The following ZNF782 variants were observed in gnomAD, a reference collection of about 807,000 sequenced individuals.
ZNF782 encodes zinc finger protein 782.
ZNF782 carries 12 observed loss-of-function variants against 13.0 expected under a neutral mutation model. The observed-to-expected ratio is 0.92, with a 90% CI of 0.59 to 1.50. The LOEUF (loss-of-function observed/expected upper bound fraction) is 1.50, where lower values mean the gene tolerates loss of function less well. ZNF782 is among the 40% of genes most tolerant of loss of function. The pLI, the probability that ZNF782 is intolerant of heterozygous loss-of-function variation, is 0.00. For synonymous variants in ZNF782, 284 were observed against 283.0 expected, an observed-to-expected ratio of 1.00 and a Z score of -0.04; for missense variants, 770 against 822.9, an observed-to-expected ratio of 0.94 and a Z score of 0.79.
At chr9:96,832,032 T>G (rs540230036) in intron 4 of ZNF782, among the ~76,000 whole-genome samples, 11 of 152,328 alleles carry the variant, frequency 7.2e-5, no homozygotes, top group Middle Eastern at 3.4e-3. Context: ...TTGTTTTTTT[T>G]GTTCCCTTGA....
Position 96,819,480 on chromosome 9 carries a change from G to A in ZNF782, c.543C>T (p.Asn181=), listed in dbSNP as rs1047246544. The change falls in exon 6 of 6, where the codon AAC becomes AAT. Residue 181 remains asparagine (N), a synonymous_variant. Transcript: ENST00000481138. ...TATAAGCGAAAGATTTCTCTTGAGTGTTAGTTCTGCCATCCTTAATACTGA... is the reference window on the plus strand; with the variant it reads ...TATAAGCGAAAGATTTCTCTTGAGTATTAGTTCTGCCATCCTTAATACTGA... The part of the protein sequence containing the change: ...WLISIKDGRT[N]TQEKSFAYSK... The A allele has an allele frequency of 1.2e-6, 2 of 1,613,760 alleles. No homozygotes were observed. The highest frequency in any genetic ancestry group is 1.7e-6 in the Non-Finnish European group (2 of 1,179,998).
chr9:96,917,708 G>A, the ZNF782 span, among the ~76,000 whole-genome samples: 2 of 151,648 alleles, frequency 1.3e-5, no homozygotes, highest in Admixed American at 6.6e-5. Context: ...GGGATCACAA[G>A]CATGAGCCAC....
the ZNF782 span, among the ~76,000 whole-genome samples, chr9:96,896,236 A>C: frequency 6.6e-6 from 1 of 152,154 alleles, no homozygotes; most frequent in East Asian, 1.9e-4. Flanking sequence ...AGACCACCAG[A>C]AACAGTTTGG....
chr9:96,820,542 CTTTT>C (rs375716425), intron 5 of ZNF782, among the ~76,000 whole-genome samples: 2 of 137,760 alleles, frequency 1.5e-5, no homozygotes, highest in Non-Finnish European at 3.2e-5. Flanking sequence ...AATAGTGAAT[CTTTT>C]TTTTTTTTTT....
chr9:96,845,979 C>G (rs1588166048), intron 3 of ZNF782, among the ~76,000 whole-genome samples: 1 of 152,184 alleles, frequency 6.6e-6, no homozygotes, highest in Non-Finnish European at 1.5e-5. Flanking sequence ...TAAAGGAAAA[C>G]TTAACAGACT....
chr9:96,837,935 A>T (rs1851052079), intron 4 of ZNF782, among the ~76,000 whole-genome samples: 1 of 152,158 alleles, frequency 6.6e-6, no homozygotes, highest in South Asian at 2.1e-4. Context: ...TATGTTGCCC[A>T]GGTTGGTCTT....
chr9:96,921,621 G>A, the ZNF782 span, among the ~76,000 whole-genome samples: 4 of 150,198 alleles, frequency 2.7e-5, no homozygotes, highest in African/African-American at 9.8e-5. Context: ...AGCACTTTGG[G>A]AGGCCAAGGC....
intron 4 of ZNF782, among the ~76,000 whole-genome samples, chr9:96,833,920 G>C (rs1850894850): frequency 1.3e-5 from 2 of 151,916 alleles, no homozygotes; most frequent in South Asian, 2.1e-4. Flanking sequence ...TTGCAATTTT[G>C]GCTACTGGGA....
intron 1 of ZNF782, among the ~76,000 whole-genome samples, chr9:96,866,566 G>A (rs931526478): frequency 3.9e-4 from 60 of 152,188 alleles, no homozygotes; most frequent in African/African-American, 2.9e-4. Context: ...ATGTGGGGTC[G>A]GAGCCCCCAT....
At chr9:96,845,128 A>G (rs1588165477) in intron 3 of ZNF782, 112 bp from the exon 4 acceptor site, 1 of 1,345,906 alleles carries the variant, frequency 7.4e-7, no homozygotes, top group Non-Finnish European at 1.0e-6. Context: ...AAAATGCTAT[A>G]AGGGATTCTT....
At chr9:96,830,048 C>G (rs2118504619) in intron 4 of ZNF782, among the ~76,000 whole-genome samples, 1 of 152,262 alleles carries the variant, frequency 6.6e-6, no homozygotes, top group South Asian at 2.1e-4. Flanking sequence ...GCTGGAGAAG[C>G]TGGCAACAAA....
upstream of ZNF782, among the ~76,000 whole-genome samples, chr9:96,855,742 A>T (rs1851632539): frequency 6.6e-6 from 1 of 152,146 alleles, no homozygotes; most frequent in African/African-American, 2.4e-5. Flanking sequence ...TTTTTCATAT[A>T]ATGACTTCTT....
chr9:96,917,952 G>A, the ZNF782 span, among the ~76,000 whole-genome samples: 1 of 149,080 alleles, frequency 6.7e-6, no homozygotes, highest in Non-Finnish European at 1.5e-5. Context: ...GTGTTGCCCA[G>A]GCTGGTCTTG....
In ZNF782 at chr9:96,837,518, T is replaced by C. The variant is rs576629708; in HGVS notation, c.142+7372A>G. Among the ~76,000 whole-genome samples the C allele has an allele frequency of 9.2e-5, 14 of 152,348 alleles. No homozygotes were observed. The South Asian group carries it at 1.4e-3, about 16-fold the overall frequency. ...TCATTGATTTTCTCTATTGTTTTTC[T>C]ATTCTTTCATTATCTCTCTTCTAAT... is the stretch of plus-strand genomic sequence containing the variant. On this transcript the variant is annotated intron_variant, in intron 4 of 5. Transcript: ENST00000481138.
At chr9:96,833,322 G>A (rs1466394248) in intron 4 of ZNF782, among the ~76,000 whole-genome samples, 1 of 152,056 alleles carries the variant, frequency 6.6e-6, no homozygotes, top group Non-Finnish European at 1.5e-5. Context: ...TTTACCTAAT[G>A]TCTTTTTCCT....
chr9:96,841,137 T>C (rs1393076477), intron 4 of ZNF782, among the ~76,000 whole-genome samples: 1 of 151,968 alleles, frequency 6.6e-6, no homozygotes, highest in African/African-American at 2.4e-5. Context: ...TTTACACATA[T>C]GAATGTGACA....
chr9:96,905,898 C>G, the ZNF782 span, among the ~76,000 whole-genome samples: 1 of 152,114 alleles, frequency 6.6e-6, no homozygotes, highest in Non-Finnish European at 1.5e-5. Context: ...CCTCTACTTT[C>G]TTAATAAACT....
the ZNF782 span, among the ~76,000 whole-genome samples, chr9:96,907,397 C>T: frequency 3.9e-5 from 6 of 151,982 alleles, no homozygotes; most frequent in African/African-American, 7.2e-5. Flanking sequence ...TTTTGCAAGA[C>T]GAAAAAGTTC....
the ZNF782 span, among the ~76,000 whole-genome samples, chr9:96,900,695 C>T: frequency 3.3e-4 from 51 of 152,310 alleles, no homozygotes; most frequent in African/African-American, 1.2e-3. Context: ...GAGCTGAGAT[C>T]GCACCATTGC....
Sources: gnomAD v4.1 joint callset for allele counts (sites outside exome capture counted in the v4.1 genomes callset) on GRCh38, gnomAD v4.1.1 for gene constraint, MANE v1.5 for transcripts, NCBI Gene and HGNC (gene_info 2026-07-23, HGNC 2026-07-21) for gene names.